Variants in CIT observed in about 807,000 individuals in gnomAD.
CIT encodes citron Rho-interacting kinase.
Under a neutral mutation model 272.7 loss-of-function variants are expected in CIT, and 79 were observed. The ratio of observed to expected loss-of-function variants is 0.29; its 90% CI spans 0.24 to 0.35. The LOEUF (loss-of-function observed/expected upper bound fraction) is 0.35. CIT is among the 10% of genes least tolerant of loss of function. The pLI is 1.00. For missense variants in CIT, 1,909 were observed against 2,618.3 expected (o/e 0.73, Z 5.91); for synonymous variants, 948 against 995.6 (o/e 0.95, Z 0.90).
intron 24 of CIT, among the ~76,000 whole-genome samples, chr12:119,741,246 A>G (rs1959043834): frequency 6.6e-6 from 1 of 152,234 alleles, no homozygotes; most frequent in African/African-American, 2.4e-5. Context: ...AGCCCCAGAG[A>G]GCACATCCTC....
In CIT at chr12:119,804,130, G is replaced by A. The variant is rs1397995425; in HGVS notation, c.1112-741C>T. 1.0e-6 allele frequency: 1 copy of A among 979,726 alleles called. No individual in the cohort carries two copies. Among genetic ancestry groups the A allele is most frequent in the East Asian group, 1.1e-4 (1 of 8,772 alleles). 60.7% of individuals were successfully genotyped at this position (979,726 alleles called of 1,614,324 possible). A position where few individuals can be genotyped will look rare whatever the true frequency, so the allele number is the denominator to read the frequency against. ...TACAGCACCCCTGCGCGCTGACGGT[G>A]GGAATGCACGGATGGACATATGCGG... On this transcript the variant is annotated intron_variant, in intron 9 of 47. Transcript: ENST00000392521. The surrounding 1 kb of genome is among the most constrained non-coding windows in gnomAD (Gnocchi z 5.3).
At chr12:119,701,563 C>A in intron 43 of CIT, 61 bp downstream of exon 43, 1 of 1,585,866 alleles carries the variant, frequency 6.3e-7, no homozygotes, top group African/African-American at 1.3e-5. Flanking sequence ...TCCTCCAACC[C>A]CTCATGGGTC....
At chr12:119,833,005 T>C in intron 6 of CIT, 141 bp from the exon 7 acceptor site, 1 of 532,756 alleles carries the variant, frequency 1.9e-6, no homozygotes, top group South Asian at 3.2e-5. Flanking sequence ...TATAAATTAT[T>C]AGCATACATT....
chr12:119,782,607 T>A lies in CIT; in HGVS notation c.1576A>T (p.Met526Leu), dbSNP rs752157112. The A allele has an allele frequency of 5.0e-6, 8 of 1,614,206 alleles. No individual in the cohort carries two copies. In the South Asian group the frequency reaches 8.8e-5, roughly 18 times the overall value. ...TTGTCATCCTCCTGGGACACCTCCA[T>A]CCGTGCTTGCTCCAAACTTCGCTTT... ...SLKRSLEQAR[M>L]EVSQEDDKAL... Residue 526 changes from methionine (M) to leucine (L), a missense_variant, in exon 13 of 48, where the codon ATG (methionine) becomes TTG (leucine). This residue lies in a region of CIT where 19 missense variants were observed against 21.4 expected (regional missense o/e 0.89). Coordinates refer to ENST00000392521, the MANE Select transcript of CIT (RefSeq NM_001206999.2).
intron 3 of CIT, among the ~76,000 whole-genome samples, chr12:119,862,845 A>C (rs1487828194): frequency 1.4e-4 from 19 of 134,888 alleles, no homozygotes; most frequent in African/African-American, 5.7e-4. Context: ...AAAAAAGAAA[A>C]AACCAAAAAA....
chr12:119,824,259 A>C (rs957181004), intron 8 of CIT, among the ~76,000 whole-genome samples: 3 of 151,778 alleles, frequency 2.0e-5, no homozygotes, highest in Non-Finnish European at 4.4e-5. Context: ...AAGAGCATGG[A>C]CTTCAGGGCC....
rs761236122 is a variant in CIT at position 119,720,633 on chromosome 12, C to G, written c.3733-48G>C. On this transcript the variant is annotated intron_variant, in intron 29 of 47. Transcript: ENST00000392521. The stretch of plus-strand genomic sequence containing the variant: ...AACCTCAAATCCAGACAGAAGTATA[C>G]TTTTAAAGTTGGTACTTTAAGAAAC... 4.4e-6 allele frequency: 6 copies of G among 1,374,898 alleles called. No homozygotes were observed. In the South Asian group the frequency reaches 7.8e-5, roughly 18 times the overall value. The allele number at this position is 1,374,898 out of a possible 1,614,324, so 85.2% of individuals were successfully genotyped here. A position where few individuals can be genotyped will look rare whatever the true frequency, so the allele number is the denominator to read the frequency against.
intron 5 of CIT, among the ~76,000 whole-genome samples, chr12:119,839,550 T>C (rs975684228): frequency 6.6e-6 from 1 of 152,182 alleles, no homozygotes; most frequent in Admixed American, 6.5e-5. Context: ...GATATTATTC[T>C]TCTTGAGAAT....
rs1253691300 is a variant in CIT at position 119,694,652 on chromosome 12, A to C, written c.5882+3007T>G. Among the ~76,000 whole-genome samples the C allele has an allele frequency of 6.6e-6, 1 of 151,910 alleles. No homozygotes were observed. Among genetic ancestry groups the C allele is most frequent in the Non-Finnish European group, 1.5e-5 (1 of 67,996 alleles). The stretch of plus-strand genomic sequence containing the variant: ...AACCCTGTCTCTACAAAAAATACAA[A>C]AATTAGCCAGGTGTGGTGGCGGGCG... On this transcript the variant is annotated intron_variant, in intron 46 of 47. Coordinates refer to ENST00000392521, the MANE Select transcript of CIT (RefSeq NM_001206999.2). This position sits in a 1 kb window ranked among gnomAD's most constrained non-coding sequence, Gnocchi z 4.5.
chr12:119,703,893 T>C (rs928455205), intron 41 of CIT, among the ~76,000 whole-genome samples: 23 of 152,232 alleles, frequency 1.5e-4, no homozygotes, highest in African/African-American at 1.4e-4. Context: ...CAGCTCACTC[T>C]GCTCCGAAAA....
At chr12:119,819,407 C>T (rs550938924) in intron 9 of CIT, among the ~76,000 whole-genome samples, 47 of 152,230 alleles carry the variant, frequency 3.1e-4, no homozygotes, top group Admixed American at 4.6e-4. Context: ...AAAGGCGCAT[C>T]CTAGTTTCTC....
intron 14 of CIT, 84 bp downstream of exon 14, chr12:119,776,588 T>C: frequency 7.3e-7 from 1 of 1,376,172 alleles, no homozygotes; most frequent in Non-Finnish European, 1.0e-6. Context: ...AGGTTGTTTC[T>C]CATTAAACTA....
chr12:119,872,633 T>C (rs1178009651), intron 2 of CIT, among the ~76,000 whole-genome samples: 1 of 152,188 alleles, frequency 6.6e-6, no homozygotes, highest in African/African-American at 2.4e-5. Context: ...ACTTAATAAA[T>C]TCTGACGTGC....
chr12:119,785,594 C>T (rs951982257), intron 10 of CIT, among the ~76,000 whole-genome samples: 2 of 151,838 alleles, frequency 1.3e-5, no homozygotes, highest in Non-Finnish European at 2.9e-5. Flanking sequence ...AACAGGGTCG[C>T]GTTCTGTTGC....
intron 23 of CIT, 54 bp from the exon 24 acceptor site, chr12:119,742,518 CAT>C: frequency 6.6e-6 from 9 of 1,368,378 alleles, no homozygotes; most frequent in African/African-American, 1.4e-5. Context: ...TACAATTCTA[CAT>C]GCTACGGGTC....
chr12:119,803,123 TC>T, intron 10 of CIT, 82 bp downstream of exon 10: 3 of 234,546 alleles, frequency 1.3e-5, no homozygotes. Context: ...CCCCACCTAT[TC>T]CCCCACCCCC....
rs1187131076 is a variant in CIT, at chr12:119,791,525, G to A, written c.1296-6460C>T. Among the ~76,000 whole-genome samples the A allele has an allele frequency of 5.3e-5, 8 of 152,200 alleles. No homozygotes were observed. In the South Asian group the frequency reaches 6.2e-4, roughly 12 times the overall value. On this transcript the variant is annotated intron_variant, in intron 10 of 47. Coordinates refer to ENST00000392521, the MANE Select transcript of CIT (RefSeq NM_001206999.2). The stretch of plus-strand genomic sequence containing the variant: ...GGCCAGTTCATGCTCTGGGCTCGAC[G>A]AGATGCAGTACAATGAAGATGCTAA...
chr12:119,718,413 C>A lies in CIT; in HGVS notation c.4004-4G>T. On this transcript the variant is annotated splice_polypyrimidine_tract_variant and splice_region_variant and intron_variant, in intron 31 of 47. Transcript: ENST00000392521. This position sits in a 1 kb window ranked among gnomAD's most constrained non-coding sequence, Gnocchi z 4.8. Reference sequence around the variant, plus strand: ...TCCGTTGCTTTGCGGTGGGCAGCTGCAGAGAGACCAGGACAATGCCTTTTG... The same window carrying A: ...TCCGTTGCTTTGCGGTGGGCAGCTGAAGAGAGACCAGGACAATGCCTTTTG... 2 of 1,609,122 alleles carry A rather than the reference C, an allele frequency of 1.2e-6. No individual in the cohort carries two copies. The highest frequency in any genetic ancestry group is 1.7e-6 in the Non-Finnish European group (2 of 1,177,548).
At chr12:119,875,563 G>T (rs1343822509) in intron 2 of CIT, among the ~76,000 whole-genome samples, 1 of 152,070 alleles carries the variant, frequency 6.6e-6, no homozygotes, top group Non-Finnish European at 1.5e-5. Context: ...GGGCAACACA[G>T]TGAGACCCCA....
Sources: gnomAD v4.1 joint callset for allele counts (sites outside exome capture counted in the v4.1 genomes callset) on GRCh38, gnomAD v4.1.1 for gene constraint, gnomAD v4.1.1 regional missense constraint, Gnocchi (gnomAD v3.1) non-coding constraint, MANE v1.5 for transcripts, NCBI Gene and HGNC (gene_info 2026-07-23, HGNC 2026-07-21) for gene names.